The following TAFA2 variants were observed in gnomAD, a reference collection of about 807,000 sequenced individuals.
The protein encoded by TAFA2 is TAFA chemokine like family member 2.
A neutral mutation model predicts 18.8 loss-of-function variants in TAFA2; 7 were observed. The observed-to-expected ratio is 0.37, with a 90% CI of 0.21 to 0.70. The LOEUF is 0.70. TAFA2 is among the 30% of genes least tolerant of loss of function. The pLI, the probability that TAFA2 is intolerant of heterozygous loss-of-function variation, is 0.53. For synonymous variants in TAFA2, 60 were observed against 54.2 expected (o/e 1.11, Z -0.47); for missense variants, 122 against 158.1 (o/e 0.77, Z 1.23).
At chr12:61,939,878 C>A (rs981588250) in intron 1 of TAFA2, among the ~76,000 whole-genome samples, 2 of 152,196 alleles carry the variant, frequency 1.3e-5, no homozygotes, top group African/African-American at 4.8e-5. Flanking sequence ...CTCAATTACA[C>A]TGAGCCTTAG....
chr12:61,868,953 C>G (rs1874473676), intron 1 of TAFA2, among the ~76,000 whole-genome samples: 1 of 152,122 alleles, frequency 6.6e-6, no homozygotes, highest in Admixed American at 6.5e-5. Flanking sequence ...GCACTGTCTT[C>G]TACTGTAGCA....
intron 4 of TAFA2, among the ~76,000 whole-genome samples, chr12:61,727,416 G>T (rs1319912093): frequency 1.3e-5 from 2 of 151,328 alleles, no homozygotes; most frequent in Non-Finnish European, 2.9e-5. Context: ...GGTCTGTTTA[G>T]AGTTTCTATT....
intron 2 of TAFA2, among the ~76,000 whole-genome samples, chr12:61,764,230 T>TGATTGATAGATAGATA (rs1555163228): frequency 8.0e-5 from 12 of 150,144 alleles, no homozygotes; most frequent in South Asian, 2.1e-4. Flanking sequence ...GATGATTGAT[T>TGATTGATAGATAGATA]GATAGATAGA....
chr12:62,049,955 A>G (rs1480972400), intron 1 of TAFA2, among the ~76,000 whole-genome samples: 1 of 152,224 alleles, frequency 6.6e-6, no homozygotes, highest in African/African-American at 2.4e-5. Flanking sequence ...GCAAATTGCC[A>G]CATGAATATC....
chr12:62,134,052 G>A (rs1376860115), intron 1 of TAFA2, among the ~76,000 whole-genome samples: 1 of 151,646 alleles, frequency 6.6e-6, no homozygotes, highest in East Asian at 2.0e-4. Context: ...TCTGAGGCAT[G>A]GCCTCTGCAA....
At chr12:62,165,891 C>T (rs1370233567) in intron 1 of TAFA2, among the ~76,000 whole-genome samples, 1 of 150,624 alleles carries the variant, frequency 6.6e-6, no homozygotes, top group Non-Finnish European at 1.5e-5. Flanking sequence ...CCAGTTTAAA[C>T]TTAATACAGT....
chr12:62,139,294 G>T (rs1187418603), intron 1 of TAFA2, among the ~76,000 whole-genome samples: 1 of 152,186 alleles, frequency 6.6e-6, no homozygotes, highest in Non-Finnish European at 1.5e-5. Flanking sequence ...AGTGCAAAAT[G>T]AGTACACCTT....
chr12:61,918,507 G>C (rs957110440), intron 1 of TAFA2, among the ~76,000 whole-genome samples: 6 of 152,150 alleles, frequency 3.9e-5, no homozygotes, highest in East Asian at 1.9e-4. Flanking sequence ...TCTTATGACT[G>C]AATGGTACTC....
At chr12:61,868,511 T>C (rs148034808) in intron 1 of TAFA2, among the ~76,000 whole-genome samples, 73 of 152,278 alleles carry the variant, frequency 4.8e-4, no homozygotes, top group African/African-American at 1.7e-3. Context: ...AGCAATTTCC[T>C]GGGGTCACTT....
chr12:61,908,689 T>A (rs1318413487), intron 1 of TAFA2, among the ~76,000 whole-genome samples: 1 of 152,146 alleles, frequency 6.6e-6, no homozygotes, highest in East Asian at 1.9e-4. Context: ...ACACCCAAAA[T>A]ATAATACCAA....
intron 4 of TAFA2, among the ~76,000 whole-genome samples, chr12:61,723,877 G>A (rs191799415): frequency 2.6e-5 from 4 of 152,058 alleles, no homozygotes; most frequent in African/African-American, 9.6e-5. Flanking sequence ...CCATACAGCT[G>A]CTTAACACTG....
At chr12:62,034,069 A>G (rs1164768840) in intron 1 of TAFA2, among the ~76,000 whole-genome samples, 1 of 152,224 alleles carries the variant, frequency 6.6e-6, no homozygotes. Flanking sequence ...GGGGAAAAAG[A>G]GTGGAAGACA....
At chr12:61,881,511 A>T (rs1319527283) in intron 1 of TAFA2, among the ~76,000 whole-genome samples, 2 of 152,142 alleles carry the variant, frequency 1.3e-5, no homozygotes, top group Admixed American at 6.5e-5. Flanking sequence ...ACAGTTCATC[A>T]TTGGCCAAAA....
intron 1 of TAFA2, among the ~76,000 whole-genome samples, chr12:62,071,274 C>T (rs1397510612): frequency 1.3e-5 from 2 of 152,122 alleles, no homozygotes; most frequent in African/African-American, 4.8e-5. Flanking sequence ...GAACAGCTCT[C>T]GGACCCGGGA....
intron 2 of TAFA2, among the ~76,000 whole-genome samples, chr12:61,794,608 G>A (rs993083650): frequency 2.6e-5 from 4 of 151,774 alleles, no homozygotes; most frequent in Non-Finnish European, 4.4e-5. Context: ...TTATCTTTAG[G>A]TCCATTGTAA....
At chr12:61,905,895 G>A (rs1267983457) in intron 1 of TAFA2, among the ~76,000 whole-genome samples, 1 of 152,100 alleles carries the variant, frequency 6.6e-6, no homozygotes, top group Non-Finnish European at 1.5e-5. Flanking sequence ...AGGCCCCAGA[G>A]CTCTCTGCTT....
chr12:62,165,926 C>G (rs1041016249), intron 1 of TAFA2, among the ~76,000 whole-genome samples: 3 of 118,000 alleles, frequency 2.5e-5, no homozygotes, highest in African/African-American at 1.0e-4. Flanking sequence ...CTTCCTCTCT[C>G]TCTCTCTCTC....
intron 1 of TAFA2, chr12:62,021,863 T>G (rs1881151963): frequency 1.3e-6 from 1 of 776,052 alleles, no homozygotes; most frequent in Non-Finnish European, 2.4e-6. Context: ...GATTTAGTCC[T>G]CCGTCCTCGG....
At chr12:61,741,643 G>A (rs1308680113) in intron 4 of TAFA2, among the ~76,000 whole-genome samples, 4 of 152,016 alleles carry the variant, frequency 2.6e-5, no homozygotes, top group African/African-American at 9.7e-5. Flanking sequence ...GTGCTTTCGT[G>A]GCACTTACAC....
Sources: gnomAD v4.1 joint callset for allele counts (sites outside exome capture counted in the v4.1 genomes callset) on GRCh38, gnomAD v4.1.1 for gene constraint, MANE v1.5 for transcripts, NCBI Gene and HGNC (gene_info 2026-07-23, HGNC 2026-07-21) for gene names.